PLEKHA4: variants seen among roughly 807,000 people sequenced by gnomAD.
PLEKHA4 encodes the protein pleckstrin homology domain-containing family A member 4.
PLEKHA4 carries 73 observed loss-of-function variants against 94.7 expected under a neutral mutation model. The ratio of observed to expected loss-of-function variants is 0.77; its 90% CI spans 0.64 to 0.94. PLEKHA4 has a LOEUF of 0.94. Ranked by LOEUF, PLEKHA4 falls within the 40% of genes least tolerant of loss-of-function variation. The pLI, the probability that PLEKHA4 is intolerant of heterozygous loss-of-function variation, is 0.00. For missense variants in PLEKHA4, 1,049 were observed against 1,054.1 expected (o/e 1.00, Z 0.07); for synonymous variants, 449 against 437.1 (o/e 1.03, Z -0.34).
intron 9 of PLEKHA4, 95 bp from the exon 10 acceptor site, chr19:48,854,359 C>T: frequency 1.9e-6 from 2 of 1,043,002 alleles, no homozygotes; most frequent in Non-Finnish European, 3.0e-6. Context: ...CTGATAGGTA[C>T]TGCACTATTT....
chr19:48,859,794 C>T (rs2036567947), intron 6 of PLEKHA4, 110 bp from the exon 7 acceptor site: 1 of 995,572 alleles, frequency 1.0e-6, no homozygotes, highest in Admixed American at 2.5e-5. Flanking sequence ...AAGTTGTGCA[C>T]TATAAATCAT....
At chr19:48,849,159 T>C (rs1459414225) in intron 13 of PLEKHA4, among the ~76,000 whole-genome samples, 1 of 151,968 alleles carries the variant, frequency 6.6e-6, no homozygotes, top group African/African-American at 2.4e-5. Context: ...ACCTGCCTCA[T>C]CCTCCTAAAG....
intron 9 of PLEKHA4, among the ~76,000 whole-genome samples, chr19:48,857,221 C>G (rs1290122301): frequency 1.3e-5 from 2 of 152,122 alleles, no homozygotes; most frequent in Non-Finnish European, 2.9e-5. Context: ...GGCCTCTGGC[C>G]TCCAGAACCG....
At chr19:48,865,638 C>G (rs370735767) in intron 2 of PLEKHA4, 28 bp from the exon 3 acceptor site, 1 of 1,519,088 alleles carries the variant, frequency 6.6e-7, no homozygotes, top group Non-Finnish European at 9.1e-7. Flanking sequence ...CAGAAGTGAA[C>G]AGGGAGAGCC....
At chr19:48,839,162 AT>A (rs748865578) in intron 18 of PLEKHA4, 42 bp downstream of exon 18, 278 of 1,453,206 alleles carry the variant, frequency 1.9e-4, no homozygotes, top group South Asian at 1.1e-3. Context: ...GCTTTTGCAA[AT>A]TTTTTTTTCC....
intron 16 of PLEKHA4, 96 bp downstream of exon 16, chr19:48,845,274 T>C: frequency 8.5e-7 from 1 of 1,170,612 alleles, no homozygotes; most frequent in Non-Finnish European, 1.3e-6. Context: ...CTGCTCTGAG[T>C]ATGGCCTTAG....
chr19:48,861,126 T>C (rs527588059), intron 5 of PLEKHA4, among the ~76,000 whole-genome samples: 2 of 151,816 alleles, frequency 1.3e-5, no homozygotes, highest in African/African-American at 4.8e-5. Context: ...GAGAATCCGT[T>C]GAACCCAGGA....
At position 48,859,144 on chromosome 19, in the gene PLEKHA4, G is replaced by C; in HGVS notation, c.693-5C>G. On this transcript the variant is annotated splice_polypyrimidine_tract_variant and splice_region_variant and intron_variant, in intron 7 of 19. Coordinates refer to ENST00000263265, the MANE Select transcript of PLEKHA4 (RefSeq NM_020904.3). ...CGAGAGAGGGGGGTGAACAGGCTGT[G>C]GGAAGGAGAGAATCGGGGAACTGAG... The C allele has an allele frequency of 6.6e-7, 1 of 1,520,346 alleles. No homozygotes were observed. The highest frequency in any genetic ancestry group is 2.1e-5 in the Admixed American group (1 of 47,780). 94.2% of individuals were successfully genotyped at this position (1,520,346 alleles called of 1,614,324 possible). A position where few individuals can be genotyped will look rare whatever the true frequency, so the allele number is the denominator to read the frequency against.
At chr19:48,864,350 T>C (rs1292849048) in intron 3 of PLEKHA4, among the ~76,000 whole-genome samples, 1 of 151,928 alleles carries the variant, frequency 6.6e-6, no homozygotes, top group Non-Finnish European at 1.5e-5. Context: ...TATTTTTTAG[T>C]AGAGCCAGGG....
Position 48,858,947 on chromosome 19 carries a change from AG to A in PLEKHA4, c.884del (p.Pro295LeufsTer74). ...GPQRQTLSRP[P>X]TPRRGPPSEA... ...CAGAGGGAGGTCCTCGGCGGGGAGTAGGGGGTCGGGAGAGGGTCTGGCGTTG... is the reference window on the plus strand; with the variant it reads ...CAGAGGGAGGTCCTCGGCGGGGAGTAGGGGTCGGGAGAGGGTCTGGCGTTG... On this transcript the variant is annotated frameshift_variant, in exon 8 of 20. Transcript: ENST00000263265. LOFTEE classifies it high-confidence loss of function. The A allele has an allele frequency of 6.3e-7, 1 of 1,591,102 alleles. No homozygotes were observed. The highest frequency in any genetic ancestry group is 1.1e-5 in the South Asian group (1 of 88,828).
intron 17 of PLEKHA4, among the ~76,000 whole-genome samples, chr19:48,840,016 G>C (rs76012190): frequency 6.6e-6 from 1 of 151,946 alleles, no homozygotes; most frequent in Non-Finnish European, 1.5e-5. Flanking sequence ...GCTAAGGCAG[G>C]AGAATCGTTT....
chr19:48,838,284 A>T (rs993877341), intron 18 of PLEKHA4, 155 bp from the exon 19 acceptor site: 8 of 513,824 alleles, frequency 1.6e-5, no homozygotes, highest in East Asian at 3.1e-5. Flanking sequence ...GTACATTTTT[A>T]AATAAATTAA....
At position 48,838,080 on chromosome 19, in the gene PLEKHA4, G is replaced by GCTC. The variant is rs765774898; in HGVS notation, c.2011_2013dup (p.Glu671dup). 2 of 1,613,112 alleles carry GCTC rather than the reference G, an allele frequency of 1.2e-6. No homozygotes were observed. The highest frequency in any genetic ancestry group is 2.2e-5 in the South Asian group (2 of 91,012). ...AGGGCTTGGGAGAGGCTGAGAACCC[G>GCTC]CTCCCGGTGACCTTCGGAAGTCGGC... is the stretch of plus-strand genomic sequence containing the variant. On this transcript the variant is annotated inframe_insertion, in exon 19 of 20. Coordinates refer to ENST00000263265, the MANE Select transcript of PLEKHA4 (RefSeq NM_020904.3).
rs58253636 is a variant in PLEKHA4, at chr19:48,838,766, C to CAA, written c.1964+437_1964+438dup. On this transcript the variant is annotated intron_variant, in intron 18 of 19. Transcript: ENST00000263265. ...TGGGAGACAGAGCAAGACTCCGTCT[C>CAA]AAAAAAAAAAAAAAAGTAAAAAATA... Among the ~76,000 whole-genome samples, 114 of 102,586 alleles carry CAA rather than the reference C, an allele frequency of 1.1e-3. 2 individuals carry two copies. Among genetic ancestry groups the CAA allele is most frequent in the African/African-American group, 2.6e-3 (80 of 30,852 alleles). 67.3% of individuals were successfully genotyped at this position (102,586 alleles called of 152,430 possible).
At chr19:48,861,525 G>C (rs571658812) in intron 4 of PLEKHA4, 24 bp from the exon 5 acceptor site, 2 of 1,613,250 alleles carry the variant, frequency 1.2e-6, no homozygotes, top group South Asian at 2.2e-5. Flanking sequence ...CTGGGGTCAA[G>C]GATCACACAG....
intron 18 of PLEKHA4, chr19:48,838,341 G>A: frequency 2.7e-6 from 1 of 372,598 alleles, no homozygotes. Flanking sequence ...ATCCTTGAAA[G>A]GGGATGGATA....
rs1308001582 is a variant in PLEKHA4, at chr19:48,868,280, C to G, written c.-204G>C. On this transcript the variant is annotated 5_prime_UTR_variant, in exon 1 of 20. Transcript: ENST00000263265. The stretch of plus-strand genomic sequence containing the variant: ...TCTCTCTCTCTCTCTTCCTTTTACA[C>G]TACCTCTCTCCCCACTCTCACTTTC... The G allele has an allele frequency of 3.3e-5, 5 of 152,322 alleles. No individual in the cohort carries two copies. Among genetic ancestry groups the G allele is most frequent in the African/African-American group, 1.2e-4 (5 of 41,390 alleles). 9.4% of individuals were successfully genotyped at this position (152,322 alleles called of 1,614,324 possible). A position where few individuals can be genotyped will look rare whatever the true frequency, so the allele number is the denominator to read the frequency against.
chr19:48,867,489 C>A lies in PLEKHA4; in HGVS notation c.84+48G>T. The A allele has an allele frequency of 6.5e-7, 1 of 1,542,716 alleles. No homozygotes were observed. Among genetic ancestry groups the A allele is most frequent in the Middle Eastern group, 2.3e-4 (1 of 4,328 alleles). On this transcript the variant is annotated intron_variant, in intron 2 of 19. Coordinates refer to ENST00000263265, the MANE Select transcript of PLEKHA4 (RefSeq NM_020904.3). This position sits in a 1 kb window ranked among gnomAD's most constrained non-coding sequence, Gnocchi z 4.7. ...GTCCTTGGGGAAACAGAAGGATGGGCGGCCCAGAGCCCCACCTTCCTCCCC... is the reference window on the plus strand; with the variant it reads ...GTCCTTGGGGAAACAGAAGGATGGGAGGCCCAGAGCCCCACCTTCCTCCCC...
chr19:48,866,993 A>G (rs746976928), intron 2 of PLEKHA4, among the ~76,000 whole-genome samples: 15 of 152,160 alleles, frequency 9.9e-5, no homozygotes, highest in Non-Finnish European at 2.1e-4. Context: ...AAGCGGTGGT[A>G]CTGACCAAGG....
Sources: gnomAD v4.1 joint callset for allele counts (sites outside exome capture counted in the v4.1 genomes callset) on GRCh38, gnomAD v4.1.1 for gene constraint, Gnocchi (gnomAD v3.1) non-coding constraint, MANE v1.5 for transcripts, NCBI Gene and HGNC (gene_info 2026-07-23, HGNC 2026-07-21) for gene names.